Variants in ADAM29 observed in about 807,000 individuals in gnomAD.
ADAM29 encodes the protein disintegrin and metalloproteinase domain-containing protein 29.
For missense variants in ADAM29, 969 were observed against 1,001.8 expected (o/e 0.97, Z 0.44); for synonymous variants, 367 against 342.3 (o/e 1.07, Z -0.80).
At chr4:174,942,220 G>A (rs1014639759) in intron 4 of ADAM29, among the ~76,000 whole-genome samples, 6 of 152,126 alleles carry the variant, frequency 3.9e-5, no homozygotes, top group African/African-American at 1.4e-4. Context: ...AGCTGTTGGG[G>A]GATCTACCAT....
chr4:174,927,319 G>C (rs1260594421), intron 2 of ADAM29, among the ~76,000 whole-genome samples: 1 of 152,124 alleles, frequency 6.6e-6, no homozygotes, highest in East Asian at 1.9e-4. Context: ...TGGTGCAATA[G>C]TAATTGTGTT....
chr4:174,918,594 A>G (rs1343922717), intron 1 of ADAM29, 123 bp downstream of exon 1: 1 of 152,270 alleles, frequency 6.6e-6, no homozygotes, highest in South Asian at 2.1e-4. Context: ...TGAACCTATC[A>G]GTTTCAGACT....
At chr4:174,934,298 A>G (rs1219899719) in intron 3 of ADAM29, among the ~76,000 whole-genome samples, 1 of 152,010 alleles carries the variant, frequency 6.6e-6, no homozygotes, top group Non-Finnish European at 1.5e-5. Context: ...ATTACCTTAT[A>G]TTTCTCTTTG....
At chr4:174,931,962 G>T (rs1420342268) in intron 3 of ADAM29, among the ~76,000 whole-genome samples, 8 of 152,034 alleles carry the variant, frequency 5.3e-5, no homozygotes, top group Non-Finnish European at 4.4e-5. Flanking sequence ...TCATTGAAAT[G>T]AAATATTTTT....
At chr4:174,962,146 ATTAAC>A (rs979159614) in intron 4 of ADAM29, among the ~76,000 whole-genome samples, 28 of 152,360 alleles carry the variant, frequency 1.8e-4, no homozygotes, top group African/African-American at 6.7e-4. Flanking sequence ...AATACTGATT[ATTAAC>A]TTCATATGTA....
In ADAM29 at chr4:174,976,674, GTGTT is replaced by G. The variant is rs1746828205; in HGVS notation, c.1152_1155del (p.Leu386LysfsTer11). The G allele has an allele frequency of 6.2e-7, 1 of 1,614,034 alleles. No homozygotes were observed. Among genetic ancestry groups the G allele is most frequent in the Non-Finnish European group, 8.5e-7 (1 of 1,179,976 alleles). ...GGGAATATACTGTAGAGAGGACAAA[GTGTT>G]TGCTTGAAACAGTACACACAAAGGA... On this transcript the variant is annotated frameshift_variant, in exon 5 of 5. Coordinates refer to ENST00000359240, the MANE Select transcript of ADAM29 (RefSeq NM_014269.4). LOFTEE classifies it low-confidence loss of function (END_TRUNC).
chr4:174,953,179 G>C (rs1188634674), intron 4 of ADAM29, among the ~76,000 whole-genome samples: 2 of 152,084 alleles, frequency 1.3e-5, no homozygotes, highest in African/African-American at 2.4e-5. Context: ...CCAGCTACTT[G>C]GGAGGCTGAG....
In ADAM29 at chr4:174,977,212, C is replaced by G; in HGVS notation, c.1687C>G (p.Pro563Ala). The change falls in exon 5 of 5, where the codon CCC becomes GCC. Residue 563 changes from proline to alanine, a missense_variant. Physicochemically the swap from Pro to Ala is conservative, Grantham distance 27. Coordinates refer to ENST00000359240, the MANE Select transcript of ADAM29 (RefSeq NM_014269.4). ...TCAGTGTGAGAATGTGACAGAAATT[C>G]CCAATATGAGTGATCATACTACTGT... ...RIQCENVTEI[P>A]NMSDHTTVHW... 6.2e-7 allele frequency: 1 copy of G among 1,613,994 alleles called. No homozygotes were observed. Among genetic ancestry groups the G allele is most frequent in the Middle Eastern group, 1.7e-4 (1 of 6,058 alleles).
chr4:174,964,289 A>T (rs10012314), intron 4 of ADAM29, among the ~76,000 whole-genome samples: 2,802 of 151,292 alleles, frequency 0.019, 97 homozygotes, highest in African/African-American at 0.064. Flanking sequence ...GTATGTACAG[A>T]AAAAAAAACC....
At chr4:174,921,919 G>T (rs1743186115) in intron 2 of ADAM29, among the ~76,000 whole-genome samples, 1 of 152,072 alleles carries the variant, frequency 6.6e-6, no homozygotes, top group South Asian at 2.1e-4. Context: ...GGAATGATAA[G>T]ATAAAGAAAT....
intron 4 of ADAM29, among the ~76,000 whole-genome samples, chr4:174,974,040 A>T (rs1334912083): frequency 6.6e-6 from 1 of 152,192 alleles, no homozygotes; most frequent in Non-Finnish European, 1.5e-5. Context: ...TAGGTTAGTC[A>T]TCCAGTGCTG....
intron 4 of ADAM29, among the ~76,000 whole-genome samples, chr4:174,947,992 C>T (rs1244151119): frequency 6.6e-6 from 1 of 152,172 alleles, no homozygotes; most frequent in African/African-American, 2.4e-5. Flanking sequence ...TTATGACATT[C>T]TTTAAGTGAG....
intron 4 of ADAM29, among the ~76,000 whole-genome samples, chr4:174,937,286 G>A (rs1744256681): frequency 6.6e-6 from 1 of 151,946 alleles, no homozygotes; most frequent in African/African-American, 2.4e-5. Context: ...ACCAAAAAGA[G>A]TTACGCAAAT....
chr4:174,923,578 T>G lies in ADAM29; in HGVS notation c.-451+2786T>G, dbSNP rs376687584. 8.6e-5 allele frequency among the ~76,000 whole-genome samples: 12 copies of G among 139,176 alleles called. No individual in the cohort carries two copies. In the East Asian group the frequency reaches 1.7e-3, roughly 19 times the overall value. 91.3% of individuals were successfully genotyped at this position (139,176 alleles called of 152,430 possible). ...ATATATATACACACACACATATATA[T>G]CTTTAAAAAATATTTTCCACCACAC... is the stretch of plus-strand genomic sequence containing the variant. On this transcript the variant is annotated intron_variant, in intron 2 of 4. Transcript: ENST00000359240.
At chr4:174,936,340 AGTT>A (rs1203581625) in intron 3 of ADAM29, among the ~76,000 whole-genome samples, 1 of 152,016 alleles carries the variant, frequency 6.6e-6, no homozygotes, top group Non-Finnish European at 1.5e-5. Context: ...AAAGGTCAAA[AGTT>A]ATTATTATTA....
chr4:174,972,299 C>A (rs1010503111), intron 4 of ADAM29, among the ~76,000 whole-genome samples: 1 of 152,170 alleles, frequency 6.6e-6, no homozygotes, highest in African/African-American at 2.4e-5. Flanking sequence ...ATCTCTCAGT[C>A]TTTACAGACT....
At chr4:174,931,288 C>T (rs1743856571) in intron 3 of ADAM29, 114 bp downstream of exon 3, 2 of 152,078 alleles carry the variant, frequency 1.3e-5, no homozygotes, top group African/African-American at 4.8e-5. Flanking sequence ...AACAGCAATG[C>T]CAACAAGCAT....
chr4:174,944,785 G>C (rs1279680949), intron 4 of ADAM29, among the ~76,000 whole-genome samples: 4 of 152,098 alleles, frequency 2.6e-5, no homozygotes, highest in Admixed American at 2.0e-4. Flanking sequence ...TGCAGTATTT[G>C]GTTTTCTGTT....
At chr4:174,942,924 T>C (rs1744623234) in intron 4 of ADAM29, among the ~76,000 whole-genome samples, 1 of 152,224 alleles carries the variant, frequency 6.6e-6, no homozygotes. Flanking sequence ...TGCATGACTT[T>C]ACACTTTCAG....
Sources: allele counts gnomAD v4.1 joint callset (sites outside exome capture counted in the v4.1 genomes callset), GRCh38; gene constraint gnomAD v4.1.1; transcripts MANE v1.5; gene names NCBI Gene and HGNC (gene_info 2026-07-23, HGNC 2026-07-21).